Variants in ZNF503 observed in about 807,000 individuals in gnomAD.
ZNF503 encodes the protein NocA-like zinc finger 2.
Under a neutral mutation model 34.4 loss-of-function variants are expected in ZNF503, and 15 were observed. That is an observed-to-expected ratio of 0.44 (90% CI 0.29 to 0.67). The LOEUF is 0.67. Among genes scored for constraint, ZNF503 ranks in the 30% least tolerant of loss-of-function variants. The pLI is 0.13. For missense variants in ZNF503, 1,007 were observed against 926.8 expected (o/e 1.09, Z -1.12); for synonymous variants, 580 against 456.8 (o/e 1.27, Z -3.44).
chr10:75,329,380 T>TCCC, the ZNF503 span, among the ~76,000 whole-genome samples: 6 of 116,834 alleles, frequency 5.1e-5, no homozygotes, highest in African/African-American at 2.3e-4. Context: ...GCTTCTTTCT[T>TCCC]TCTTCCTTCC....
the ZNF503 span, among the ~76,000 whole-genome samples, chr10:75,381,014 T>C: frequency 6.6e-6 from 1 of 152,206 alleles, no homozygotes; most frequent in Non-Finnish European, 1.5e-5. Flanking sequence ...CACTCCAACC[T>C]GGAAAGAAAT....
At chr10:75,280,857 G>A in the ZNF503 span, among the ~76,000 whole-genome samples, 2 of 152,172 alleles carry the variant, frequency 1.3e-5, no homozygotes, top group Non-Finnish European at 1.5e-5. Context: ...AGGCCTGAGA[G>A]CTGAGTAGAA....
rs764097121 is a variant in ZNF503, at chr10:75,401,331, G to C, written c.89C>G (p.Pro30Arg). Residue 30 changes from proline (P) to arginine (R), a missense_variant, in exon 1 of 2, where the codon CCT becomes CGT. Pro to Arg is a moderately radical substitution (Grantham distance 103). Coordinates refer to ENST00000372524, the MANE Select transcript of ZNF503 (RefSeq NM_032772.6). ...GGGGGGGGAD[P>R]AWTSALSGNS... is the part of the protein sequence containing the mutation. ...TCCAGAGAGCGCGCTGGTCCAGGCA[G>C]GGTCTGCACCGCCGCCTCCGCCTCC... 9 of 1,457,804 alleles carry C rather than the reference G, an allele frequency of 6.2e-6. No homozygotes were observed. The highest frequency in any genetic ancestry group is 1.4e-5 in the African/African-American group (1 of 71,508). 90.3% of individuals were successfully genotyped at this position (1,457,804 alleles called of 1,614,324 possible).
chr10:75,379,941 G>T, the ZNF503 span, among the ~76,000 whole-genome samples: 1 of 152,168 alleles, frequency 6.6e-6, no homozygotes, highest in African/African-American at 2.4e-5. Context: ...GGGTGGGAGG[G>T]GGTGCACGCC....
At chr10:75,313,211 T>A in the ZNF503 span, among the ~76,000 whole-genome samples, 1 of 152,028 alleles carries the variant, frequency 6.6e-6, no homozygotes, top group South Asian at 2.1e-4. Flanking sequence ...AAAATAGGGG[T>A]TTTTTTGCAA....
the ZNF503 span, among the ~76,000 whole-genome samples, chr10:75,289,560 A>C: frequency 6.6e-6 from 1 of 152,138 alleles, no homozygotes; most frequent in African/African-American, 2.4e-5. Flanking sequence ...TAAAGTACAC[A>C]TAACATTTAC....
the ZNF503 span, among the ~76,000 whole-genome samples, chr10:75,295,302 CCCT>C: frequency 2.6e-5 from 4 of 151,926 alleles, no homozygotes; most frequent in African/African-American, 7.2e-5. This position sits in a 1 kb window ranked among gnomAD's most constrained non-coding sequence, Gnocchi z 4.0. Context: ...TGCAGTCCCG[CCCT>C]CCTCCTCCTG....
downstream of ZNF503, among the ~76,000 whole-genome samples, chr10:75,395,737 C>T (rs1476582697): frequency 3.3e-5 from 5 of 152,240 alleles, no homozygotes; most frequent in African/African-American, 4.8e-5. The surrounding 1 kb of genome is among the most constrained non-coding windows in gnomAD (Gnocchi z 4.4). Flanking sequence ...TCTGTCCTCA[C>T]CCCCGGGCGC....
At chr10:75,401,043 GAA>G in intron 1 of ZNF503, 60 bp downstream of exon 1, 1 of 1,607,760 alleles carries the variant, frequency 6.2e-7, no homozygotes, top group East Asian at 2.2e-5. Context: ...CCGAGAAAAA[GAA>G]AGCCCTAGGG....
At chr10:75,400,953 A>G in intron 1 of ZNF503, 152 bp downstream of exon 1, 1 of 1,129,132 alleles carries the variant, frequency 8.9e-7, no homozygotes, top group African/African-American at 1.6e-5. Flanking sequence ...TTTCCGCCCT[A>G]GTTTTGAGGT....
the ZNF503 span, among the ~76,000 whole-genome samples, chr10:75,349,158 A>G: frequency 6.6e-6 from 1 of 152,236 alleles, no homozygotes; most frequent in Non-Finnish European, 1.5e-5. Context: ...ACATAAGTTT[A>G]TATTCACATC....
the ZNF503 span, among the ~76,000 whole-genome samples, chr10:75,364,039 G>T: frequency 6.6e-6 from 1 of 152,134 alleles, no homozygotes; most frequent in Non-Finnish European, 1.5e-5. Flanking sequence ...TTATTCCTGA[G>T]CATTTACATA....
the ZNF503 span, among the ~76,000 whole-genome samples, chr10:75,368,011 ACCT>A: frequency 6.6e-6 from 1 of 152,126 alleles, no homozygotes; most frequent in African/African-American, 2.4e-5. Flanking sequence ...GGCCCAGTAA[ACCT>A]CGAGTTAGGG....
chr10:75,372,588 T>A, the ZNF503 span, among the ~76,000 whole-genome samples: 46 of 152,310 alleles, frequency 3.0e-4, no homozygotes, highest in Non-Finnish European at 5.3e-4. Context: ...GGAAATCTAC[T>A]CAACCAGGGA....
the ZNF503 span, among the ~76,000 whole-genome samples, chr10:75,317,266 T>C: frequency 3.5e-5 from 1 of 28,576 alleles, no homozygotes; most frequent in South Asian, 6.0e-4. Context: ...TCCCACGTCT[T>C]TTTTTTTTTT....
the ZNF503 span, among the ~76,000 whole-genome samples, chr10:75,392,220 T>G: frequency 6.6e-6 from 1 of 152,232 alleles, no homozygotes; most frequent in African/African-American, 2.4e-5. Flanking sequence ...AATATTATTC[T>G]TGTTGGCAAT....
At chr10:75,367,221 C>G in the ZNF503 span, among the ~76,000 whole-genome samples, 13 of 152,284 alleles carry the variant, frequency 8.5e-5, no homozygotes, top group South Asian at 4.2e-4. Flanking sequence ...CTCTACCCCC[C>G]ACCCAGAAAA....
At chr10:75,352,541 A>G in the ZNF503 span, among the ~76,000 whole-genome samples, 1 of 152,100 alleles carries the variant, frequency 6.6e-6, no homozygotes, top group African/African-American at 2.4e-5. Context: ...CTTCCACTTG[A>G]CGTGAGCCTC....
the ZNF503 span, among the ~76,000 whole-genome samples, chr10:75,318,537 T>C: frequency 6.6e-6 from 1 of 151,890 alleles, no homozygotes; most frequent in South Asian, 2.1e-4. Context: ...GGTATGGTGG[T>C]GCATGCCTGT....
Sources: gnomAD v4.1 joint callset for allele counts (sites outside exome capture counted in the v4.1 genomes callset) on GRCh38, gnomAD v4.1.1 for gene constraint, Gnocchi (gnomAD v3.1) non-coding constraint, MANE v1.5 for transcripts, NCBI Gene and HGNC (gene_info 2026-07-23, HGNC 2026-07-21) for gene names.